Variants in ZBTB38 observed in about 807,000 individuals in gnomAD.
The protein encoded by ZBTB38 is zinc finger and BTB domain containing 38, also known as zinc finger and BTB domain-containing protein 38.
Under a neutral mutation model 76.8 loss-of-function variants are expected in ZBTB38, and 20 were observed. The ratio of observed to expected loss-of-function variants is 0.26; its 90% CI spans 0.18 to 0.38. The LOEUF (loss-of-function observed/expected upper bound fraction) is 0.38, where lower values mean the gene tolerates loss of function less well. ZBTB38 is among the 10% of genes least tolerant of loss of function. ZBTB38 has a pLI of 1.00. For synonymous variants in ZBTB38, 504 were observed against 544.2 expected (o/e 0.93, Z 1.03); for missense variants, 1,082 against 1,482.3 (o/e 0.73, Z 4.43).
chr3:141,385,209 C>T (rs537848802), intron 3 of ZBTB38, among the ~76,000 whole-genome samples: 6 of 152,090 alleles, frequency 3.9e-5, no homozygotes, highest in Middle Eastern at 3.4e-3. Context: ...TTAACAACAG[C>T]ATATTCAGTG....
chr3:141,405,229 T>C (rs1953945999), intron 5 of ZBTB38, among the ~76,000 whole-genome samples: 1 of 152,244 alleles, frequency 6.6e-6, no homozygotes, highest in African/African-American at 2.4e-5. Flanking sequence ...GAATTTGTTG[T>C]TCAACTGTTA....
At chr3:141,427,055 TAGC>T (rs2076539537) in intron 5 of ZBTB38, among the ~76,000 whole-genome samples, 1 of 151,998 alleles carries the variant, frequency 6.6e-6, no homozygotes, top group African/African-American at 2.4e-5. Flanking sequence ...AGGTGGGAAA[TAGC>T]AGGGCAGTTC....
chr3:141,444,586 T>C lies in ZBTB38; in HGVS notation c.2198T>C (p.Ile733Thr), dbSNP rs878860034. The change falls in exon 6 of 6, where the codon ATT (isoleucine) becomes ACT (threonine). Residue 733 changes from isoleucine (I) to threonine (T), a missense_variant. Ile to Thr is a moderately conservative substitution (Grantham distance 89). Transcript: ENST00000321464. This position sits in a 1 kb window ranked among gnomAD's most constrained non-coding sequence, Gnocchi z 5.1. ...FSSVIMHSNA[I>T]AAMTSSNHRA... is the part of the protein sequence containing the mutation. ...TCGGTGATCATGCACAGCAATGCCA[T>C]TGCTGCCATGACCAGCAGCAACCAC... is the stretch of plus-strand genomic sequence containing the variant. The C allele has an allele frequency of 1.2e-6, 2 of 1,614,062 alleles. No individual in the cohort carries two copies. The highest frequency in any genetic ancestry group is 1.7e-6 in the Non-Finnish European group (2 of 1,180,042).
At chr3:141,332,941 T>G (rs1349224191) in intron 1 of ZBTB38, among the ~76,000 whole-genome samples, 1 of 152,214 alleles carries the variant, frequency 6.6e-6, no homozygotes, top group African/African-American at 2.4e-5. Flanking sequence ...AGAACAAGTG[T>G]GGGCATTTTA....
At chr3:141,352,963 T>C (rs926233274) in intron 1 of ZBTB38, among the ~76,000 whole-genome samples, 3 of 151,954 alleles carry the variant, frequency 2.0e-5, no homozygotes, top group African/African-American at 7.3e-5. Context: ...GTAGTACTAG[T>C]TTGCATGCCA....
rs1015837186 is a variant in ZBTB38 at position 141,446,025 on chromosome 3, A to G, written c.*49A>G. The G allele has an allele frequency of 4.1e-6, 6 of 1,468,616 alleles. No homozygotes were observed. The Admixed American group carries it at 8.9e-5, about 22-fold the overall frequency. 91.0% of individuals were successfully genotyped at this position (1,468,616 alleles called of 1,614,324 possible). On this transcript the variant is annotated 3_prime_UTR_variant, in exon 6 of 6. Transcript: ENST00000321464. ...CAAAAATATAGTTGGTGGTTTTTTT[A>G]GTTATGATTTAAGTTTAGTTTCATT...
intron 2 of ZBTB38, among the ~76,000 whole-genome samples, chr3:141,370,502 C>T (rs79119624): frequency 1.3e-3 from 196 of 152,326 alleles, no homozygotes; most frequent in Non-Finnish European, 2.2e-3. Context: ...AGGTAGTTCT[C>T]TCTGGCACAG....
chr3:141,433,989 C>A, intron 5 of ZBTB38: 1 of 156,322 alleles, frequency 6.4e-6, no homozygotes, highest in Non-Finnish European at 1.4e-5. Flanking sequence ...TTTCTCAAGG[C>A]CGCTCTCTAG....
At position 141,446,560 on chromosome 3, in the gene ZBTB38, T is replaced by C. The variant is rs1007058343; in HGVS notation, c.*584T>C. ...TTCATACATTATGTAGAACTACTTTTCTGCAACACAAACCTTGTAAAATAC... is the reference window on the plus strand; with the variant it reads ...TTCATACATTATGTAGAACTACTTTCCTGCAACACAAACCTTGTAAAATAC... On this transcript the variant is annotated 3_prime_UTR_variant, in exon 6 of 6. Coordinates refer to ENST00000321464, the MANE Select transcript of ZBTB38 (RefSeq NM_001376113.1). 6.5e-6 allele frequency: 1 copy of C among 152,738 alleles called. No individual in the cohort carries two copies. Among genetic ancestry groups the C allele is most frequent in the African/African-American group, 2.4e-5 (1 of 41,468 alleles). 9.5% of individuals were successfully genotyped at this position (152,738 alleles called of 1,614,324 possible).
rs749895529 is a variant in ZBTB38 at position 141,445,952 on chromosome 3, C to T, written c.3564C>T (p.Thr1188=). 42 of 1,589,408 alleles carry T rather than the reference C, an allele frequency of 2.6e-5. No homozygotes were observed. The highest frequency in any genetic ancestry group is 3.1e-5 in the Non-Finnish European group (36 of 1,172,320). ...EDNDQKDNIQ[T]GVENVVL is the part of the protein sequence containing the mutation. ...ATGACCAAAAGGATAACATACAAAC[C>T]GGTGTGGAAAATGTTGTCCTTTGAG... Residue 1188 remains threonine (T), a synonymous_variant, in exon 6 of 6, where the codon ACC becomes ACT. Coordinates refer to ENST00000321464, the MANE Select transcript of ZBTB38 (RefSeq NM_001376113.1). This position sits in a 1 kb window ranked among gnomAD's most constrained non-coding sequence, Gnocchi z 6.5.
chr3:141,380,472 C>G (rs1946047584), intron 2 of ZBTB38, among the ~76,000 whole-genome samples: 1 of 152,222 alleles, frequency 6.6e-6, no homozygotes, highest in Non-Finnish European at 1.5e-5. Flanking sequence ...CATTCCTTAA[C>G]TCCTGAAGCA....
At chr3:141,325,843 T>A (rs1179567653) in intron 1 of ZBTB38, among the ~76,000 whole-genome samples, 1 of 152,200 alleles carries the variant, frequency 6.6e-6, no homozygotes, top group East Asian at 1.9e-4. Context: ...AATATACATC[T>A]TAGCTGCTGT....
chr3:141,434,078 A>C, intron 5 of ZBTB38: 4 of 424,478 alleles, frequency 9.4e-6, no homozygotes, highest in Non-Finnish European at 9.5e-6. Context: ...TACAAAGATG[A>C]ATCAGATTGT....
intron 5 of ZBTB38, among the ~76,000 whole-genome samples, chr3:141,422,133 C>T (rs984099597): frequency 6.6e-6 from 1 of 152,226 alleles, no homozygotes; most frequent in African/African-American, 2.4e-5. Context: ...TTACTAAGCC[C>T]ATGACACCTG....
intron 1 of ZBTB38, among the ~76,000 whole-genome samples, chr3:141,346,619 G>A (rs1339970447): frequency 2.0e-5 from 3 of 152,134 alleles, no homozygotes; most frequent in South Asian, 2.1e-4. Flanking sequence ...TAAAGGGAGT[G>A]CTACAGTGAG....
At chr3:141,342,398 A>AAC (rs1049193182) in intron 1 of ZBTB38, among the ~76,000 whole-genome samples, 5 of 151,768 alleles carry the variant, frequency 3.3e-5, no homozygotes, top group African/African-American at 1.2e-4. Flanking sequence ...GTCTCAAAAA[A>AAC]AAAAAAAAAA....
chr3:141,363,831 G>A (rs549693846), upstream of ZBTB38, among the ~76,000 whole-genome samples: 2 of 152,222 alleles, frequency 1.3e-5, no homozygotes, highest in East Asian at 3.9e-4. Flanking sequence ...TTAACTTAAA[G>A]TGTATCATAG....
chr3:141,374,784 T>C (rs1204868343), intron 2 of ZBTB38, among the ~76,000 whole-genome samples: 1 of 152,194 alleles, frequency 6.6e-6, no homozygotes, highest in African/African-American at 2.4e-5. Context: ...TACATTTTAA[T>C]GTATCAGTTT....
At chr3:141,432,895 T>C (rs376510815) in intron 5 of ZBTB38, among the ~76,000 whole-genome samples, 113 of 152,344 alleles carry the variant, frequency 7.4e-4, no homozygotes, top group African/African-American at 2.7e-3. Flanking sequence ...GTGATCAAGC[T>C]AACCTTTGAG....
Sources: gnomAD v4.1 joint callset for allele counts (sites outside exome capture counted in the v4.1 genomes callset) on GRCh38, gnomAD v4.1.1 for gene constraint, Gnocchi (gnomAD v3.1) non-coding constraint, MANE v1.5 for transcripts, NCBI Gene and HGNC (gene_info 2026-07-23, HGNC 2026-07-21) for gene names.